SEMA3E: variants seen among roughly 807,000 people sequenced by gnomAD.
SEMA3E encodes the protein semaphorin-3E.
In SEMA3E, 49 loss-of-function variants were observed where a neutral mutation model predicts 93.6. That is an observed-to-expected ratio of 0.52 (90% confidence interval 0.42 to 0.66). SEMA3E has a LOEUF of 0.66. Among genes scored for constraint, SEMA3E ranks in the 30% least tolerant of loss-of-function variants. The pLI is 0.00. For synonymous variants in SEMA3E, 363 were observed against 330.7 expected, an observed-to-expected ratio of 1.10 and a Z score of -1.06; for missense variants, 906 against 964.8, an observed-to-expected ratio of 0.94 and a Z score of 0.81.
intron 1 of SEMA3E, among the ~76,000 whole-genome samples, chr7:83,595,868 T>C (rs1792862751): frequency 6.6e-6 from 1 of 152,110 alleles, no homozygotes; most frequent in Admixed American, 6.6e-5. Context: ...GGTTTTTTTC[T>C]TTGTAATTAA....
At chr7:83,534,052 A>G (rs980856208) in intron 1 of SEMA3E, among the ~76,000 whole-genome samples, 5 of 152,224 alleles carry the variant, frequency 3.3e-5, no homozygotes, top group Non-Finnish European at 7.3e-5. Context: ...GCTTCTGCCA[A>G]TTCTATTTAA....
At chr7:83,497,537 A>G (rs1790511720) in intron 1 of SEMA3E, among the ~76,000 whole-genome samples, 1 of 152,112 alleles carries the variant, frequency 6.6e-6, no homozygotes, top group Non-Finnish European at 1.5e-5. Context: ...GCCATTAGAA[A>G]TTTTCTTTAA....
chr7:83,453,878 C>A (rs2115829525), intron 4 of SEMA3E, among the ~76,000 whole-genome samples: 1 of 151,910 alleles, frequency 6.6e-6, no homozygotes, highest in South Asian at 2.1e-4. Context: ...TATATTTATT[C>A]TATTAAATTG....
chr7:83,372,590 A>G (rs1044521637), intron 16 of SEMA3E: 1 of 237,654 alleles, frequency 4.2e-6, no homozygotes, highest in African/African-American at 2.2e-5. Flanking sequence ...GAAACACTGT[A>G]TTATGTACAT....
At chr7:83,406,754 G>A (rs1562767939) in intron 7 of SEMA3E, among the ~76,000 whole-genome samples, 2 of 151,954 alleles carry the variant, frequency 1.3e-5, no homozygotes, top group South Asian at 4.2e-4. Context: ...ACATAGCTAT[G>A]TATATTATTT....
chr7:83,499,449 A>G (rs1790553326), intron 1 of SEMA3E, among the ~76,000 whole-genome samples: 1 of 152,176 alleles, frequency 6.6e-6, no homozygotes, highest in Non-Finnish European at 1.5e-5. Flanking sequence ...TTCTCTTATT[A>G]TAAGGTGAGG....
intron 14 of SEMA3E, among the ~76,000 whole-genome samples, chr7:83,391,710 C>T (rs368443980): frequency 1.4e-4 from 22 of 152,038 alleles, no homozygotes; most frequent in East Asian, 5.8e-4. Flanking sequence ...ACCTATAAAA[C>T]AAGAACTACA....
At chr7:83,557,130 A>G (rs896828038) in intron 1 of SEMA3E, among the ~76,000 whole-genome samples, 2 of 152,128 alleles carry the variant, frequency 1.3e-5, no homozygotes, top group African/African-American at 4.8e-5. Context: ...AAGGAATATA[A>G]TATATTGAAG....
chr7:83,524,523 G>C (rs1160404324), intron 1 of SEMA3E, among the ~76,000 whole-genome samples: 1 of 152,074 alleles, frequency 6.6e-6, no homozygotes, highest in East Asian at 1.9e-4. Flanking sequence ...GAAGCAGGTG[G>C]TGTGTTTTAT....
At position 83,570,624 on chromosome 7, in the gene SEMA3E, A is replaced by G. The variant is rs1276658932; in HGVS notation, c.115+77804T>C. 2.0e-5 allele frequency among the ~76,000 whole-genome samples: 3 copies of G among 150,838 alleles called. No individual in the cohort carries two copies. The East Asian group carries it at 5.8e-4, about 29-fold the overall frequency. On this transcript the variant is annotated intron_variant, in intron 1 of 16. Transcript: ENST00000643230. ...ATCTAACATCACACCTAGAGGAACT[A>G]GGAAAAAAATTAGAAACCAAGCCCG...
chr7:83,611,351 T>C (rs1793256554), intron 1 of SEMA3E, among the ~76,000 whole-genome samples: 1 of 144,596 alleles, frequency 6.9e-6, no homozygotes, highest in African/African-American at 2.5e-5. Flanking sequence ...ATATATAATA[T>C]ATGTGTAAAT....
intron 4 of SEMA3E, among the ~76,000 whole-genome samples, chr7:83,462,456 T>G (rs1170721724): frequency 6.6e-6 from 1 of 152,158 alleles, no homozygotes; most frequent in Non-Finnish European, 1.5e-5. Context: ...TCTGCTTCCC[T>G]GACTATTCCT....
intron 1 of SEMA3E, among the ~76,000 whole-genome samples, chr7:83,545,129 G>T (rs1272216450): frequency 6.6e-6 from 1 of 152,008 alleles, no homozygotes; most frequent in Non-Finnish European, 1.5e-5. Flanking sequence ...ATTCCAAAAT[G>T]AATATTTGAA....
intron 1 of SEMA3E, among the ~76,000 whole-genome samples, chr7:83,626,748 C>T (rs188583296): frequency 2.0e-5 from 3 of 152,220 alleles, no homozygotes; most frequent in Admixed American, 2.0e-4. Flanking sequence ...CCTCTGCTAG[C>T]TTTTGAATTT....
At chr7:83,637,123 T>C (rs1450814117) in intron 1 of SEMA3E, among the ~76,000 whole-genome samples, 1 of 151,890 alleles carries the variant, frequency 6.6e-6, no homozygotes, top group Non-Finnish European at 1.5e-5. Flanking sequence ...TACAGAGAGT[T>C]CCCCTATACC....
intron 1 of SEMA3E, among the ~76,000 whole-genome samples, chr7:83,632,914 C>T (rs1267549388): frequency 1.3e-5 from 2 of 152,144 alleles, no homozygotes; most frequent in East Asian, 3.9e-4. Context: ...CATGTGACCA[C>T]CTATCTGGAA....
chr7:83,592,093 T>C (rs1460816041), intron 1 of SEMA3E, among the ~76,000 whole-genome samples: 1 of 152,092 alleles, frequency 6.6e-6, no homozygotes, highest in Non-Finnish European at 1.5e-5. Flanking sequence ...TAATGAATAT[T>C]TTAACAGTTT....
At chr7:83,400,348 A>G (rs891116870) in intron 10 of SEMA3E, 98 bp from the exon 11 acceptor site, 9 of 1,080,658 alleles carry the variant, frequency 8.3e-6, no homozygotes, top group African/African-American at 3.1e-5. Context: ...GAAGTTGTCA[A>G]ATTAGTCAAT....
chr7:83,521,351 T>C (rs1260625040), intron 1 of SEMA3E, among the ~76,000 whole-genome samples: 1 of 152,110 alleles, frequency 6.6e-6, no homozygotes, highest in African/African-American at 2.4e-5. Context: ...TTGCACAATT[T>C]ATAACAATGA....
Sources: allele counts gnomAD v4.1 joint callset (sites outside exome capture counted in the v4.1 genomes callset), GRCh38; gene constraint gnomAD v4.1.1; transcripts MANE v1.5; gene names NCBI Gene and HGNC (gene_info 2026-07-23, HGNC 2026-07-21).